Variants in EIF4E observed in about 807,000 individuals in gnomAD.
EIF4E encodes eIF-4F 25 kDa subunit.
For missense variants in EIF4E, 113 were observed against 265.6 expected, an observed-to-expected ratio of 0.43 and a Z score of 3.99; for synonymous variants, 71 against 88.5, an observed-to-expected ratio of 0.80 and a Z score of 1.11.
intron 3 of EIF4E, among the ~76,000 whole-genome samples, chr4:98,888,326 AC>A (rs1313468452): frequency 1.2e-4 from 17 of 139,070 alleles, no homozygotes; most frequent in African/African-American, 3.1e-4. Context: ...ACATAAAAAA[AC>A]AAAAACAAAA....
At chr4:98,889,256 C>T (rs1397899429) in intron 3 of EIF4E, among the ~76,000 whole-genome samples, 1 of 152,032 alleles carries the variant, frequency 6.6e-6, no homozygotes, top group Non-Finnish European at 1.5e-5. Flanking sequence ...CCTAAGACCA[C>T]ATAAGGTTTG....
chr4:98,907,843 C>G (rs1209067428), intron 1 of EIF4E, among the ~76,000 whole-genome samples: 2 of 151,998 alleles, frequency 1.3e-5, no homozygotes, highest in African/African-American at 4.8e-5. Flanking sequence ...ATCAACAATC[C>G]AAGAGTTTGG....
At chr4:98,891,361 T>A (rs749994108) in intron 2 of EIF4E, 29 bp from the exon 3 acceptor site, 1 of 1,589,874 alleles carries the variant, frequency 6.3e-7, no homozygotes, top group Non-Finnish European at 8.6e-7. Context: ...TGTCAAAAAA[T>A]GGTAGCTGCA....
intron 1 of EIF4E, among the ~76,000 whole-genome samples, chr4:98,916,286 CAAAAAA>C (rs11462325): frequency 9.3e-6 from 1 of 106,960 alleles, no homozygotes; most frequent in Admixed American, 1.0e-4. Flanking sequence ...ATTCAGAGGA[CAAAAAA>C]AAAAAAAAAA....
intron 1 of EIF4E, among the ~76,000 whole-genome samples, chr4:98,913,436 CGATACTGAA>C (rs1054339510): frequency 1.2e-4 from 18 of 152,054 alleles, no homozygotes; most frequent in African/African-American, 3.1e-4. Flanking sequence ...GCTCAAGAGA[CGATACTGAA>C]TAGCTGGGAC....
chr4:98,893,199 C>T (rs370024972), intron 2 of EIF4E, among the ~76,000 whole-genome samples: 2 of 152,158 alleles, frequency 1.3e-5, no homozygotes. Context: ...AAAATGCTAA[C>T]GATCATCTGA....
At chr4:98,888,896 C>G (rs1298860440) in intron 3 of EIF4E, among the ~76,000 whole-genome samples, 1 of 152,118 alleles carries the variant, frequency 6.6e-6, no homozygotes, top group Non-Finnish European at 1.5e-5. Context: ...TGCAGTGGCT[C>G]ACGCCTGTAA....
chr4:98,885,999 A>C (rs377053001), intron 5 of EIF4E, among the ~76,000 whole-genome samples: 1 of 152,164 alleles, frequency 6.6e-6, no homozygotes, highest in South Asian at 2.1e-4. Flanking sequence ...AAAGTCATTC[A>C]TTCATTAGCT....
In EIF4E at chr4:98,903,486, T is replaced by C. The variant is rs72905040; in HGVS notation, c.19-1504A>G. 7.8e-3 allele frequency: 3,537 copies of C among 455,818 alleles called. 93 individuals carry two copies. The highest frequency in any genetic ancestry group is 0.061 in the African/African-American group (3,048 of 50,018). The allele number at this position is 455,818 out of a possible 1,614,324, so 28.2% of individuals were successfully genotyped here. ...CTTCCACGGTAACTGGGACTACAGA[T>C]AGGCACCATGATACCTGGCTAATTC... On this transcript the variant is annotated intron_variant, in intron 1 of 6. Coordinates refer to ENST00000450253, the MANE Select transcript of EIF4E (RefSeq NM_001968.5).
intron 1 of EIF4E, among the ~76,000 whole-genome samples, chr4:98,923,152 A>G (rs1327709201): frequency 2.7e-5 from 4 of 149,822 alleles, no homozygotes; most frequent in Admixed American, 2.7e-4. Context: ...CGCCCGGCCC[A>G]TTTTCCTACT....
chr4:98,905,907 G>A (rs961013334), intron 1 of EIF4E, among the ~76,000 whole-genome samples: 2 of 152,130 alleles, frequency 1.3e-5, no homozygotes, highest in African/African-American at 2.4e-5. Flanking sequence ...TAATCTTACA[G>A]GACAATCCTA....
intron 1 of EIF4E, among the ~76,000 whole-genome samples, chr4:98,915,211 A>G (rs892818526): frequency 6.6e-6 from 1 of 152,122 alleles, no homozygotes; most frequent in Non-Finnish European, 1.5e-5. Context: ...TCAGCCTCCC[A>G]AAGTGCTTCA....
At chr4:98,885,279 C>A (rs1185620725) in intron 5 of EIF4E, among the ~76,000 whole-genome samples, 1 of 152,148 alleles carries the variant, frequency 6.6e-6, no homozygotes, top group Non-Finnish European at 1.5e-5. Flanking sequence ...GCAAATTTGG[C>A]AGTTAATGTC....
intron 1 of EIF4E, chr4:98,909,542 C>A: frequency 1.6e-6 from 1 of 633,628 alleles, no homozygotes; most frequent in Admixed American, 3.1e-5. Flanking sequence ...AAGTTTCAGG[C>A]TTCTAACTCC....
chr4:98,910,692 T>A (rs1725085644), intron 1 of EIF4E, among the ~76,000 whole-genome samples: 1 of 152,148 alleles, frequency 6.6e-6, no homozygotes, highest in Non-Finnish European at 1.5e-5. Flanking sequence ...TACACTTGCA[T>A]TTCTGATCTT....
In EIF4E at chr4:98,913,598, A is replaced by G. The variant is rs774053766; in HGVS notation, c.19-11616T>C. On this transcript the variant is annotated intron_variant, in intron 1 of 6. Coordinates refer to ENST00000450253, the MANE Select transcript of EIF4E (RefSeq NM_001968.5). ...TAGGATTACAGGCATGAGCCACCACACCTGCCTTTTTATGTACCAAGGTTT... is the reference window on the plus strand; with the variant it reads ...TAGGATTACAGGCATGAGCCACCACGCCTGCCTTTTTATGTACCAAGGTTT... Among the ~76,000 whole-genome samples the G allele has an allele frequency of 9.6e-4, 146 of 152,270 alleles. 1 individual carries two copies. Among genetic ancestry groups the G allele is most frequent in the Middle Eastern group, 3.4e-3 (1 of 294 alleles).
At chr4:98,883,393 A>ATT (rs11408890) in intron 6 of EIF4E, among the ~76,000 whole-genome samples, 19,142 of 103,712 alleles carry the variant, frequency 0.18, 3,274 homozygotes, top group Non-Finnish European at 0.25. Context: ...TGTAAGTCAA[A>ATT]TTTTTTTTTT....
chr4:98,901,958 G>C lies in EIF4E; in HGVS notation c.43C>G (p.Pro15Ala). ...TCCGTTTTCTCCTCTTCTGTAGTCG[G>C]GGGATTAGGAGTAGGGGTGGTTTCC... ...EPETTPTPNP[P>A]TTEEEKTESN... is the part of the protein sequence containing the mutation. The change falls in exon 2 of 7, where the codon CCG (proline) becomes GCG (alanine). Residue 15 changes from proline (P) to alanine (A), a missense_variant. By Grantham distance (27) the Pro-to-Ala change is conservative (BLOSUM62 -1). Coordinates refer to ENST00000450253, the MANE Select transcript of EIF4E (RefSeq NM_001968.5). The C allele has an allele frequency of 1.2e-6, 2 of 1,613,608 alleles. No individual in the cohort carries two copies. The highest frequency in any genetic ancestry group is 1.7e-6 in the Non-Finnish European group (2 of 1,179,950).
chr4:98,928,782 C>T (rs1296966784), intron 1 of EIF4E: 4 of 1,377,862 alleles, frequency 2.9e-6, no homozygotes, highest in East Asian at 2.6e-5. Flanking sequence ...ACCATCCTCG[C>T]ATACCCAGCC....
Sources: gnomAD v4.1 joint callset for allele counts (sites outside exome capture counted in the v4.1 genomes callset) on GRCh38, gnomAD v4.1.1 for gene constraint, MANE v1.5 for transcripts, NCBI Gene and HGNC (gene_info 2026-07-23, HGNC 2026-07-21) for gene names.